STARD9: variants seen among roughly 807,000 people sequenced by gnomAD.
STARD9 encodes the protein stAR-related lipid transfer protein 9.
Under a neutral mutation model 399.8 loss-of-function variants are expected in STARD9, and 346 were observed. That is an observed-to-expected ratio of 0.87 (90% confidence interval 0.79 to 0.95). STARD9 has a LOEUF of 0.95. STARD9 is among the 40% of genes least tolerant of loss of function. STARD9 has a pLI of 0.00. For synonymous variants in STARD9, 2,203 were observed against 2,143.5 expected, an observed-to-expected ratio of 1.03 and a Z score of -0.77; for missense variants, 5,832 against 5,667.5, an observed-to-expected ratio of 1.03 and a Z score of -0.93.
intron 3 of STARD9, among the ~76,000 whole-genome samples, chr15:42,607,692 A>G (rs1179417099): frequency 2.0e-5 from 3 of 151,968 alleles, no homozygotes; most frequent in African/African-American, 7.3e-5. Context: ...ACACAAATAT[A>G]TATTTGAATA....
intron 15 of STARD9, among the ~76,000 whole-genome samples, chr15:42,667,062 G>A (rs960452110): frequency 2.0e-5 from 3 of 152,002 alleles, no homozygotes; most frequent in African/African-American, 7.2e-5. Context: ...TAATCCACCC[G>A]CCTTGGCCTC....
At chr15:42,699,095 A>G (rs560947317) in intron 26 of STARD9, among the ~76,000 whole-genome samples, 123 of 152,308 alleles carry the variant, frequency 8.1e-4, no homozygotes, top group African/African-American at 2.8e-3. Flanking sequence ...TGATGTTTCA[A>G]TCCACATATG....
chr15:42,638,718 T>C lies in STARD9; in HGVS notation c.465T>C (p.Asn155=). 2 of 1,535,564 alleles carry C rather than the reference T, an allele frequency of 1.3e-6. No homozygotes were observed. The highest frequency in any genetic ancestry group is 1.7e-6 in the Non-Finnish European group (2 of 1,145,944). Residue 155 remains asparagine, a synonymous_variant, in exon 7 of 33, where the codon AAT becomes AAC. Transcript: ENST00000290607. Reference sequence around the variant, plus strand: ...ACTCTAGTTTTCTAGAAATCTATAATGAACGGGTGCGGGATCTGTTGAAGC... The same window carrying C: ...ACTCTAGTTTTCTAGAAATCTATAACGAACGGGTGCGGGATCTGTTGAAGC... ...RIKVSFLEIY[N]ERVRDLLKQS...
At position 42,686,330 on chromosome 15, in the gene STARD9, G is replaced by A. The variant is rs757622156; in HGVS notation, c.4752G>A (p.Ala1584=). Reference sequence around the variant, plus strand: ...TCTTTAGCACTAGTGAGAAAGAGGCGAGTTATGACGAAACTTATTCGGCAG... The same window carrying A: ...TCTTTAGCACTAGTGAGAAAGAGGCAAGTTATGACGAAACTTATTCGGCAG... ...SDFFSTSEKE[A]SYDETYSADL... Residue 1584 remains alanine (A), a synonymous_variant, in exon 23 of 33, where the codon GCG becomes GCA. Transcript: ENST00000290607. 2.3e-5 allele frequency: 36 copies of A among 1,537,278 alleles called. 1 individual carries two copies. In the Admixed American group the frequency reaches 4.7e-4, roughly 20 times the overall value.
chr15:42,698,235 A>C (rs1011143176), intron 26 of STARD9, among the ~76,000 whole-genome samples: 2 of 152,182 alleles, frequency 1.3e-5, no homozygotes, highest in African/African-American at 4.8e-5. Context: ...TACATAGGCA[A>C]ATATATTTGT....
rs919992489 is a variant in STARD9, at chr15:42,575,619, G to GCGGGCGGGGCT, written c.-96_-86dup. The GCGGGCGGGGCT allele has an allele frequency of 3.0e-6, 4 of 1,350,246 alleles. No homozygotes were observed. The African/African-American group carries it at 6.0e-5, about 20-fold the overall frequency. 83.6% of individuals were successfully genotyped at this position (1,350,246 alleles called of 1,614,324 possible). ...GGCGGCGTCCCCAGAGGCGCGTGGG[G>GCGGGCGGGGCT]CGGGCGGGGCTGGGTTGGGGCTGTG... On this transcript the variant is annotated 5_prime_UTR_variant, in exon 1 of 33. Coordinates refer to ENST00000290607, the MANE Select transcript of STARD9 (RefSeq NM_020759.3).
intron 13 of STARD9, among the ~76,000 whole-genome samples, chr15:42,664,121 T>C (rs377079866): frequency 1.3e-5 from 2 of 152,228 alleles, no homozygotes; most frequent in African/African-American, 4.8e-5. Context: ...CTTTTATGAA[T>C]GACTTATTTC....
chr15:42,586,872 G>A (rs1440878501), intron 3 of STARD9, among the ~76,000 whole-genome samples: 1 of 151,474 alleles, frequency 6.6e-6, no homozygotes, highest in Non-Finnish European at 1.5e-5. Context: ...GGGCCGGGGG[G>A]CGGAGATGAT....
Position 42,682,302 on chromosome 15 carries a change from C to G in STARD9, c.2264C>G (p.Thr755Ser), listed in dbSNP as rs2060447578. Residue 755 changes from threonine to serine, a missense_variant, in exon 22 of 33, where the codon ACT becomes AGT. Thr to Ser is a moderately conservative substitution (Grantham distance 58). Transcript: ENST00000290607. Reference protein sequence around the residue: ...VVHLQLLRRHTLRAAERNVRR... With the variant: ...VVHLQLLRRHSLRAAERNVRR... ...CACCTGCAGCTCCTGCGGAGACACA[C>G]TCTTCGGGCAGCAGAGCGGAATGTC... 2 of 1,537,162 alleles carry G rather than the reference C, an allele frequency of 1.3e-6. No homozygotes were observed. The highest frequency in any genetic ancestry group is 8.7e-7 in the Non-Finnish European group (1 of 1,146,920).
chr15:42,583,969 A>C (rs986871483), intron 2 of STARD9, among the ~76,000 whole-genome samples: 6 of 152,072 alleles, frequency 3.9e-5, no homozygotes, highest in Non-Finnish European at 8.8e-5. Context: ...TAGAGTCATA[A>C]TTGGACAGAC....
intron 3 of STARD9, among the ~76,000 whole-genome samples, chr15:42,612,509 A>G (rs1411662328): frequency 2.6e-5 from 4 of 152,214 alleles, no homozygotes; most frequent in Non-Finnish European, 5.9e-5. Context: ...CAATAAAGCT[A>G]TCTTTTATCA....
intron 15 of STARD9, among the ~76,000 whole-genome samples, chr15:42,667,060 C>A (rs1478329706): frequency 6.6e-6 from 1 of 152,030 alleles, no homozygotes; most frequent in African/African-American, 2.4e-5. Context: ...GGTAATCCAC[C>A]CGCCTTGGCC....
Position 42,693,313 on chromosome 15 carries a change from G to T in STARD9, c.11735G>T (p.Gly3912Val). 2 of 1,537,074 alleles carry T rather than the reference G, an allele frequency of 1.3e-6. No individual in the cohort carries two copies. Among genetic ancestry groups the T allele is most frequent in the Non-Finnish European group, 8.7e-7 (1 of 1,146,896 alleles). The change falls in exon 23 of 33, where the codon GGT (glycine) becomes GTT (valine). Residue 3912 changes from glycine (G) to valine (V), a missense_variant. Gly to Val is a moderately radical substitution (Grantham distance 109). This residue lies in a region of STARD9 where 5,828 missense variants were observed against 5,651.1 expected (regional missense o/e 1.03). Coordinates refer to ENST00000290607, the MANE Select transcript of STARD9 (RefSeq NM_020759.3). ...CTTAGTGCCAGCACCCAAGAGCCGGGTCTTTCCCCAGGCTCTTTGACCCTC... is the reference window on the plus strand; with the variant it reads ...CTTAGTGCCAGCACCCAAGAGCCGGTTCTTTCCCCAGGCTCTTTGACCCTC... ...LTLSASTQEP[G>V]LSPGSLTLSA...
At chr15:42,577,244 C>G (rs1361352561) in intron 1 of STARD9, among the ~76,000 whole-genome samples, 1 of 152,068 alleles carries the variant, frequency 6.6e-6, no homozygotes, top group Non-Finnish European at 1.5e-5. Flanking sequence ...AGCTCCGCCT[C>G]CCGGGTTCAC....
chr15:42,594,184 G>A (rs1339213362), intron 3 of STARD9, among the ~76,000 whole-genome samples: 3 of 152,154 alleles, frequency 2.0e-5, no homozygotes, highest in African/African-American at 7.2e-5. Flanking sequence ...CAGGAACCTG[G>A]AGAGGCTTCA....
intron 9 of STARD9, among the ~76,000 whole-genome samples, chr15:42,659,337 C>T (rs2059946151): frequency 1.3e-5 from 2 of 152,100 alleles, no homozygotes; most frequent in African/African-American, 2.4e-5. Flanking sequence ...TTCTCAACAT[C>T]CTTGTTCATT....
At chr15:42,668,376 A>T (rs943356733) in intron 15 of STARD9, among the ~76,000 whole-genome samples, 10 of 143,672 alleles carry the variant, frequency 7.0e-5, no homozygotes, top group East Asian at 2.0e-4. Context: ...GCTAAATCTA[A>T]TTTTTTTTTT....
chr15:42,705,389 G>C (rs191381957), intron 26 of STARD9, among the ~76,000 whole-genome samples: 4 of 152,016 alleles, frequency 2.6e-5, no homozygotes, highest in Admixed American at 6.6e-5. Flanking sequence ...TATCACTGAC[G>C]GGTCCTATTC....
chr15:42,676,750 T>C (rs1304264180), intron 20 of STARD9, among the ~76,000 whole-genome samples: 1 of 152,100 alleles, frequency 6.6e-6, no homozygotes, highest in African/African-American at 2.4e-5. Context: ...CTTTAGAAAA[T>C]TTCAGCAGGG....
Sources: gnomAD v4.1 joint callset for allele counts (sites outside exome capture counted in the v4.1 genomes callset) on GRCh38, gnomAD v4.1.1 for gene constraint, gnomAD v4.1.1 regional missense constraint, MANE v1.5 for transcripts, NCBI Gene and HGNC (gene_info 2026-07-23, HGNC 2026-07-21) for gene names.